The following CHD5 variants were observed in gnomAD, a reference collection of about 807,000 sequenced individuals.
CHD5 encodes ATP-dependent chromatin remodeler CHD5.
CHD5 carries 69 observed loss-of-function variants against 230.3 expected under a neutral mutation model. That is an observed-to-expected ratio of 0.30 (90% confidence interval 0.25 to 0.37). The LOEUF is 0.37. Among genes scored for constraint, CHD5 ranks in the 10% least tolerant of loss-of-function variants. CHD5 has a pLI of 1.00. For synonymous variants in CHD5, 1,064 were observed against 1,065.9 expected (o/e 1.00, Z 0.03); for missense variants, 1,827 against 2,622.8 (o/e 0.70, Z 6.63).
intron 33 of CHD5, among the ~76,000 whole-genome samples, chr1:6,120,590 T>C (rs1571143708): frequency 6.7e-6 from 1 of 149,996 alleles, no homozygotes; most frequent in South Asian, 2.1e-4. Flanking sequence ...GATCACGAGG[T>C]CAAGAGATCG....
rs550319220 is a variant in CHD5 at position 6,110,582 on chromosome 1, G to A, written c.5250-56C>T. 1.9e-5 allele frequency: 30 copies of A among 1,586,026 alleles called. No homozygotes were observed. In the East Asian group the frequency reaches 3.9e-4, roughly 21 times the overall value. ...GCCGTTAGAAGTGGTGGGGCCGTAG[G>A]GGGAGGCAGCTCAGGGAGGGGGAGG... On this transcript the variant is annotated intron_variant, in intron 36 of 41. Transcript: ENST00000262450.
chr1:6,138,492 C>T (rs2746063), intron 15 of CHD5, among the ~76,000 whole-genome samples: 11,620 of 152,250 alleles, frequency 0.076, 680 homozygotes, highest in East Asian at 0.29. Flanking sequence ...ACCGGTCTCC[C>T]CCAGTGATGT....
At chr1:6,161,188 G>A (rs1285597630) in intron 2 of CHD5, among the ~76,000 whole-genome samples, 1 of 152,058 alleles carries the variant, frequency 6.6e-6, no homozygotes, top group Non-Finnish European at 1.5e-5. Flanking sequence ...GCAAAGGCGG[G>A]GGGCCTCCCT....
intron 1 of CHD5, among the ~76,000 whole-genome samples, chr1:6,178,895 C>T (rs548171310): frequency 2.4e-4 from 37 of 152,308 alleles, no homozygotes; most frequent in Middle Eastern, 3.4e-3. Context: ...GCCAGATGCA[C>T]GTTCCTGGGC....
Position 6,134,420 on chromosome 1 carries a change from G to C in CHD5, c.3013-161C>G, listed in dbSNP as rs919601358. On this transcript the variant is annotated intron_variant, in intron 19 of 41. Transcript: ENST00000262450. This position sits in a 1 kb window ranked among gnomAD's most constrained non-coding sequence, Gnocchi z 6.3. ...CACCCGAGCCAGGCCAGGCCCCACA[G>C]TGCGGGGTAGACCGTGGGTCCCACG... is the stretch of plus-strand genomic sequence containing the variant. Among the ~76,000 whole-genome samples the C allele has an allele frequency of 5.9e-5, 9 of 152,204 alleles. No homozygotes were observed. The highest frequency in any genetic ancestry group is 1.2e-4 in the Non-Finnish European group (8 of 68,020).
chr1:6,131,220 G>A lies in CHD5; in HGVS notation c.3262+411C>T, dbSNP rs187280988. Among the ~76,000 whole-genome samples the A allele has an allele frequency of 1.1e-4, 16 of 152,272 alleles. No individual in the cohort carries two copies. The East Asian group carries it at 3.1e-3, about 29-fold the overall frequency. On this transcript the variant is annotated intron_variant, in intron 21 of 41. Transcript: ENST00000262450. The surrounding 1 kb of genome is among the most constrained non-coding windows in gnomAD (Gnocchi z 5.0). ...GGGAAGACCAAGCATGGGTGACTCT[G>A]GGGAAAGAGCCTGATCATGTGTGGC...
intron 38 of CHD5, among the ~76,000 whole-genome samples, chr1:6,108,845 G>A (rs1396736054): frequency 7.1e-6 from 1 of 141,714 alleles, no homozygotes; most frequent in Non-Finnish European, 1.5e-5. Flanking sequence ...AGGGGTGAAA[G>A]AATAGAGGGA....
At position 6,168,337 on chromosome 1, in the gene CHD5, G is replaced by C; in HGVS notation, c.80-60C>G. ...GAGCTTCCTCCAGGAGAGCCCTGGA[G>C]ACACAGAGCCAGCCCTGGGGAAGCT... On this transcript the variant is annotated intron_variant, in intron 1 of 41. Coordinates refer to ENST00000262450, the MANE Select transcript of CHD5 (RefSeq NM_015557.3). 5.2e-6 allele frequency: 8 copies of C among 1,531,362 alleles called. No homozygotes were observed. In the South Asian group the frequency reaches 1.0e-4, roughly 19 times the overall value. 94.9% of individuals were successfully genotyped at this position (1,531,362 alleles called of 1,614,324 possible).
chr1:6,141,683 A>C (rs1044721594), intron 15 of CHD5, among the ~76,000 whole-genome samples: 4 of 152,240 alleles, frequency 2.6e-5, no homozygotes, highest in Non-Finnish European at 4.4e-5. Context: ...CCCTACATCC[A>C]GTATGAATGA....
chr1:6,175,681 A>AATGGATGGATGGATGGATGG (rs545057422), intron 1 of CHD5, among the ~76,000 whole-genome samples: 21 of 147,830 alleles, frequency 1.4e-4, no homozygotes, highest in African/African-American at 4.5e-4. Flanking sequence ...AACAAGAACA[A>AATGGATGGATGGATGGATGG]ATGGATGGAT....
chr1:6,107,091 C>T (rs1214246106), intron 38 of CHD5, among the ~76,000 whole-genome samples: 1 of 60,250 alleles, frequency 1.7e-5, no homozygotes, highest in Admixed American at 1.9e-4. Flanking sequence ...GGTGGAAGGA[C>T]GGACGAATGG....
chr1:6,162,840 A>G (rs1185003597), intron 2 of CHD5, among the ~76,000 whole-genome samples: 1 of 152,198 alleles, frequency 6.6e-6, no homozygotes, highest in Non-Finnish European at 1.5e-5. Flanking sequence ...CAGAGGGAGC[A>G]GGACCTGGAC....
chr1:6,175,507 G>A (rs1667411582), intron 1 of CHD5, among the ~76,000 whole-genome samples: 1 of 147,868 alleles, frequency 6.8e-6, no homozygotes, highest in Non-Finnish European at 1.5e-5. Context: ...CATGAATGGT[G>A]GATGGGCAGA....
chr1:6,129,725 A>G lies in CHD5; in HGVS notation c.3387+479T>C, dbSNP rs567699035. Among the ~76,000 whole-genome samples, 4 of 151,794 alleles carry G rather than the reference A, an allele frequency of 2.6e-5. No homozygotes were observed. The highest frequency in any genetic ancestry group is 9.7e-5 in the African/African-American group (4 of 41,356). On this transcript the variant is annotated intron_variant, in intron 22 of 41. Transcript: ENST00000262450. This position sits in a 1 kb window ranked among gnomAD's most constrained non-coding sequence, Gnocchi z 6.8. ...GGTACACTAGGGTGGCTCTATTCCC[A>G]TACCCCTCCCCCCACAGCCCTTCCA...
Position 6,167,641 on chromosome 1 carries a change from A to G in CHD5, c.207+509T>C, listed in dbSNP as rs1571171914. ...ACAAGGGACGTGTTCACACCATCAC[A>G]CCCTGCCAACCCAAGGCAGCGGAGC... On this transcript the variant is annotated intron_variant, in intron 2 of 41. Coordinates refer to ENST00000262450, the MANE Select transcript of CHD5 (RefSeq NM_015557.3). The surrounding 1 kb of genome is among the most constrained non-coding windows in gnomAD (Gnocchi z 4.5). Among the ~76,000 whole-genome samples, 1 of 152,148 alleles carries G rather than the reference A, an allele frequency of 6.6e-6. No homozygotes were observed. Among genetic ancestry groups the G allele is most frequent in the Admixed American group, 6.5e-5 (1 of 15,274 alleles).
chr1:6,134,333 G>T lies in CHD5; in HGVS notation c.3013-74C>A. Reference sequence around the variant, plus strand: ...CTGACTCTGCACCAAAGGGGCCGCAGGGAACAGACAAGTGCTGAGCAATGG... The same window carrying T: ...CTGACTCTGCACCAAAGGGGCCGCATGGAACAGACAAGTGCTGAGCAATGG... On this transcript the variant is annotated intron_variant, in intron 19 of 41. Transcript: ENST00000262450. This position sits in a 1 kb window ranked among gnomAD's most constrained non-coding sequence, Gnocchi z 6.3. 1 of 1,554,714 alleles carries T rather than the reference G, an allele frequency of 6.4e-7. No homozygotes were observed. Among genetic ancestry groups the T allele is most frequent in the Admixed American group, 1.7e-5 (1 of 59,022 alleles).
chr1:6,165,225 G>A (rs1667234446), intron 2 of CHD5, among the ~76,000 whole-genome samples: 1 of 152,082 alleles, frequency 6.6e-6, no homozygotes, highest in Non-Finnish European at 1.5e-5. Context: ...CTGTCCAGGC[G>A]CTGCCCACCT....
chr1:6,138,607 C>T (rs940454368), intron 15 of CHD5, among the ~76,000 whole-genome samples: 3 of 152,202 alleles, frequency 2.0e-5, no homozygotes, highest in South Asian at 2.1e-4. Context: ...TTTGCCTGCA[C>T]GTGGCACCTG....
chr1:6,157,545 G>C (rs942464203), intron 3 of CHD5, among the ~76,000 whole-genome samples: 2 of 152,194 alleles, frequency 1.3e-5, no homozygotes, highest in African/African-American at 4.8e-5. Context: ...CTGGGCTTCT[G>C]CTCCTGCAAC....
Sources: allele counts gnomAD v4.1 joint callset (sites outside exome capture counted in the v4.1 genomes callset), GRCh38; gene constraint gnomAD v4.1.1; non-coding constraint Gnocchi (gnomAD v3.1); transcripts MANE v1.5; gene names NCBI Gene and HGNC (gene_info 2026-07-23, HGNC 2026-07-21).